The following ARL6 variants were observed in gnomAD, a reference collection of about 807,000 sequenced individuals.
ARL6 encodes the protein ARF like GTPase 6, also known as ADP-ribosylation factor-like protein 6.
Under a neutral mutation model 27.1 loss-of-function variants are expected in ARL6, and 18 were observed. The ratio of observed to expected loss-of-function variants is 0.66; its 90% CI spans 0.46 to 0.98. ARL6 has a LOEUF of 0.98. Ranked by LOEUF, ARL6 falls within the 50% of genes least tolerant of loss-of-function variation. The pLI is 0.00. For synonymous variants in ARL6, 65 were observed against 72.3 expected (o/e 0.90, Z 0.51); for missense variants, 187 against 214.9 (o/e 0.87, Z 0.81).
chr3:97,781,142 T>G (rs1417864617), intron 4 of ARL6, among the ~76,000 whole-genome samples: 3 of 152,184 alleles, frequency 2.0e-5, no homozygotes, highest in African/African-American at 2.4e-5. Context: ...AAGGGATTAT[T>G]TATTATTCAT....
rs2037117906 is a variant in ARL6, at chr3:97,780,161, T to G, written c.126T>G (p.Ala42=). The change falls in exon 3 of 8, where the codon GCT becomes GCG. Residue 42 remains alanine (A), a splice_region_variant and synonymous_variant. Transcript: ENST00000463745. ...TIINKLKPSN[A]QSQNILPTIG... ...GAACTTTGTCTTTTCTCTTAAAGGC[T>G]CAATCTCAAAATATCCTTCCAACAA... 3.7e-6 allele frequency: 6 copies of G among 1,611,942 alleles called. No homozygotes were observed. Among genetic ancestry groups the G allele is most frequent in the Middle Eastern group, 1.6e-4 (1 of 6,064 alleles).
chr3:97,797,882 T>C (rs1305708875), intron 7 of ARL6, 142 bp from the exon 8 acceptor site: 3 of 786,764 alleles, frequency 3.8e-6, no homozygotes, highest in Non-Finnish European at 6.3e-6. Context: ...CATAGCAAGA[T>C]CCTATCTCTA....
Position 97,784,842 on chromosome 3 carries a change from A to G in ARL6, c.255-113A>G, listed in dbSNP as rs1259220166. 1.1e-5 allele frequency: 8 copies of G among 706,600 alleles called. No individual in the cohort carries two copies. The East Asian group carries it at 2.2e-4, about 19-fold the overall frequency. 43.8% of individuals were successfully genotyped at this position (706,600 alleles called of 1,614,324 possible). On this transcript the variant is annotated intron_variant, in intron 4 of 7. Transcript: ENST00000463745. ...ACAACACCAAAAATTCTAATGATATATGGACATAGGACATAAGGAGATAAT... is the reference window on the plus strand; with the variant it reads ...ACAACACCAAAAATTCTAATGATATGTGGACATAGGACATAAGGAGATAAT...
intron 5 of ARL6, 69 bp downstream of exon 5, chr3:97,785,118 G>T: frequency 8.1e-7 from 1 of 1,233,298 alleles, no homozygotes; most frequent in South Asian, 1.2e-5. Context: ...TTGTTCTTTG[G>T]GTATTGCTTA....
In ARL6 at chr3:97,794,177, T is replaced by TTGTGTGTGTG. The variant is rs370867493; in HGVS notation, c.535+2383_535+2392dup. 6.8e-3 allele frequency among the ~76,000 whole-genome samples: 931 copies of TTGTGTGTGTG among 137,434 alleles called. 6 individuals carry two copies. The highest frequency in any genetic ancestry group is 0.022 in the East Asian group (101 of 4,580). The allele number at this position is 137,434 out of a possible 152,430, so 90.2% of individuals were successfully genotyped here. On this transcript the variant is annotated intron_variant, in intron 7 of 7. Coordinates refer to ENST00000463745, the MANE Select transcript of ARL6 (RefSeq NM_001278293.3). ...GTGCTTTGGTTATATTTTCTTTCTTTTGTGTGTGTGTGTGTGTGTGTGTGT... is the reference window on the plus strand; with the variant it reads ...GTGCTTTGGTTATATTTTCTTTCTTTTGTGTGTGTGTGTGTGTGTGTGTGTGTGTGTGTGT...
At chr3:97,768,964 C>T (rs1216675120) in intron 2 of ARL6, among the ~76,000 whole-genome samples, 2 of 152,030 alleles carry the variant, frequency 1.3e-5, no homozygotes, top group East Asian at 1.9e-4. Flanking sequence ...AGATACAACA[C>T]TTGCTCCCTT....
At chr3:97,783,771 C>T (rs114314069) in intron 4 of ARL6, among the ~76,000 whole-genome samples, 12 of 151,020 alleles carry the variant, frequency 7.9e-5, no homozygotes, top group African/African-American at 2.4e-4. Context: ...TTAAGTGATT[C>T]GCAAAAAAAA....
At chr3:97,771,025 A>G (rs1421938131) in intron 2 of ARL6, among the ~76,000 whole-genome samples, 2 of 151,988 alleles carry the variant, frequency 1.3e-5, no homozygotes, top group Non-Finnish European at 2.9e-5. Context: ...TTTCATATAA[A>G]TTTTAGGATT....
intron 2 of ARL6, among the ~76,000 whole-genome samples, chr3:97,778,888 T>C (rs2037039129): frequency 6.6e-6 from 1 of 151,920 alleles, no homozygotes; most frequent in Admixed American, 6.6e-5. Flanking sequence ...GTTAGTGAGA[T>C]AGAACCAAAA....
intron 5 of ARL6, among the ~76,000 whole-genome samples, chr3:97,787,129 T>C (rs1182067354): frequency 6.6e-6 from 1 of 152,188 alleles, no homozygotes; most frequent in Non-Finnish European, 1.5e-5. Context: ...GGATTGTTCA[T>C]AGTTGTAAAG....
At chr3:97,767,534 A>C (rs912421317) in intron 1 of ARL6, among the ~76,000 whole-genome samples, 5 of 152,096 alleles carry the variant, frequency 3.3e-5, no homozygotes, top group Non-Finnish European at 7.4e-5. Context: ...AAGCAAGCAA[A>C]AAAAAAGTGA....
In ARL6 at chr3:97,798,323, A is replaced by T; in HGVS notation, c.*274A>T. 3.1e-6 allele frequency: 1 copy of T among 325,448 alleles called. No homozygotes were observed. The highest frequency in any genetic ancestry group is 5.7e-6 in the Non-Finnish European group (1 of 176,268). The allele number at this position is 325,448 out of a possible 1,614,324, so 20.2% of individuals were successfully genotyped here. On this transcript the variant is annotated 3_prime_UTR_variant, in exon 8 of 8. Coordinates refer to ENST00000463745, the MANE Select transcript of ARL6 (RefSeq NM_001278293.3). ...ATTGTACGTAGAATGTTTAAAAGTCAGTTATAAGCCATCTCATCCCATCAT... is the reference window on the plus strand; with the variant it reads ...ATTGTACGTAGAATGTTTAAAAGTCTGTTATAAGCCATCTCATCCCATCAT...
intron 2 of ARL6, among the ~76,000 whole-genome samples, chr3:97,774,013 G>A (rs2036764857): frequency 6.6e-6 from 1 of 152,068 alleles, no homozygotes; most frequent in African/African-American, 2.4e-5. Context: ...TTAATCACAG[G>A]GCATGGTAAT....
At chr3:97,779,395 A>G (rs545221057) in intron 2 of ARL6, among the ~76,000 whole-genome samples, 117 of 152,118 alleles carry the variant, frequency 7.7e-4, no homozygotes, top group Admixed American at 1.4e-3. Flanking sequence ...CTTTTCTTCC[A>G]TGCCACCTTC....
intron 2 of ARL6, among the ~76,000 whole-genome samples, chr3:97,776,500 G>A (rs1021384508): frequency 6.6e-6 from 1 of 151,816 alleles, no homozygotes; most frequent in Non-Finnish European, 1.5e-5. Flanking sequence ...TTGTTTTGTA[G>A]CTCCTCTTTT....
intron 2 of ARL6, among the ~76,000 whole-genome samples, chr3:97,772,149 G>A (rs934513395): frequency 2.6e-5 from 4 of 152,056 alleles, no homozygotes; most frequent in Non-Finnish European, 5.9e-5. Flanking sequence ...GAAGCCATCA[G>A]GTCCTAATAT....
chr3:97,800,356 T>A lies in ARL6; in HGVS notation c.*2307T>A, dbSNP rs2038200408. 6.6e-6 allele frequency: 1 copy of A among 152,188 alleles called. No individual in the cohort carries two copies. The highest frequency in any genetic ancestry group is 6.6e-5 in the Admixed American group (1 of 15,264). 9.4% of individuals were successfully genotyped at this position (152,188 alleles called of 1,614,324 possible). ...AGCATATTATACAATTAAAATGTATTTTATTAAACCTGAAGCAAGTTTTCT... is the reference window on the plus strand; with the variant it reads ...AGCATATTATACAATTAAAATGTATATTATTAAACCTGAAGCAAGTTTTCT... On this transcript the variant is annotated 3_prime_UTR_variant, in exon 8 of 8. Coordinates refer to ENST00000463745, the MANE Select transcript of ARL6 (RefSeq NM_001278293.3).
chr3:97,787,770 C>T (rs947124071), intron 5 of ARL6, among the ~76,000 whole-genome samples: 1 of 152,094 alleles, frequency 6.6e-6, no homozygotes, highest in African/African-American at 2.4e-5. Context: ...GTTAAAGCTC[C>T]TAACCAGAGG....
At chr3:97,780,917 C>A (rs1162100564) in intron 4 of ARL6, among the ~76,000 whole-genome samples, 1 of 152,110 alleles carries the variant, frequency 6.6e-6, no homozygotes. Context: ...ATGCCCCATT[C>A]TATCCTACTT....
Sources: gnomAD v4.1 joint callset for allele counts (sites outside exome capture counted in the v4.1 genomes callset) on GRCh38, gnomAD v4.1.1 for gene constraint, MANE v1.5 for transcripts, NCBI Gene and HGNC (gene_info 2026-07-23, HGNC 2026-07-21) for gene names.